Variants in DOCK10 observed in about 807,000 individuals in gnomAD.
The protein encoded by DOCK10 is dedicator of cytokinesis protein 10.
DOCK10 carries 145 observed loss-of-function variants against 280.1 expected under a neutral mutation model. The ratio of observed to expected loss-of-function variants is 0.52; its 90% confidence interval spans 0.45 to 0.59. DOCK10 has a LOEUF of 0.59. Ranked by LOEUF, DOCK10 falls within the 20% of genes least tolerant of loss-of-function variation. The pLI, the probability that DOCK10 is intolerant of heterozygous loss-of-function variation, is 0.00. For missense variants in DOCK10, 2,368 were observed against 2,651.7 expected (o/e 0.89, Z 2.35); for synonymous variants, 915 against 942.2 (o/e 0.97, Z 0.53).
At chr2:224,775,151 G>T in intron 51 of DOCK10, 36 bp from the exon 52 acceptor site, 2 of 1,588,728 alleles carry the variant, frequency 1.3e-6, no homozygotes, top group Non-Finnish European at 1.7e-6. Flanking sequence ...TGAGTGGTGT[G>T]CCCTGGAGCG....
At chr2:225,015,277 T>A (rs149209919) in intron 1 of DOCK10, among the ~76,000 whole-genome samples, 1 of 152,202 alleles carries the variant, frequency 6.6e-6, no homozygotes, top group African/African-American at 2.4e-5. Flanking sequence ...ATAAATTTCA[T>A]TACTCTTAGA....
chr2:225,000,805 G>A (rs189886266), intron 1 of DOCK10, among the ~76,000 whole-genome samples: 46 of 152,228 alleles, frequency 3.0e-4, no homozygotes, highest in Admixed American at 1.0e-3. Context: ...GTGAAACCTC[G>A]TCTGTACTAA....
At chr2:224,784,772 GA>G in intron 50 of DOCK10, 1 of 1,289,646 alleles carries the variant, frequency 7.8e-7, no homozygotes, top group Admixed American at 2.3e-5. Context: ...AAGAAGAAAA[GA>G]GTAAACATCT....
chr2:225,006,685 A>G (rs1689264966), intron 1 of DOCK10, among the ~76,000 whole-genome samples: 2 of 152,230 alleles, frequency 1.3e-5, no homozygotes, highest in Non-Finnish European at 2.9e-5. Context: ...TGATGGTTTC[A>G]ATCTATGTTT....
At chr2:224,837,736 A>G in intron 25 of DOCK10, 26 bp downstream of exon 25, 1 of 1,598,322 alleles carries the variant, frequency 6.3e-7, no homozygotes, top group Non-Finnish European at 8.6e-7. Flanking sequence ...AGGGGATATG[A>G]GCAATTTCCA....
intron 1 of DOCK10, among the ~76,000 whole-genome samples, chr2:225,023,429 A>G (rs893918940): frequency 3.4e-5 from 5 of 148,200 alleles, no homozygotes; most frequent in African/African-American, 1.3e-4. Flanking sequence ...TCAGATGGGG[A>G]AAAAAAGTGG....
chr2:225,041,840 A>T (rs772210211), intron 1 of DOCK10, among the ~76,000 whole-genome samples: 2 of 151,972 alleles, frequency 1.3e-5, no homozygotes, highest in Non-Finnish European at 1.5e-5. Flanking sequence ...GGTGAGAGGG[A>T]CGCGCAGACC....
chr2:224,768,853 TAAAG>T (rs893215801), intron 55 of DOCK10: 1 of 455,806 alleles, frequency 2.2e-6, no homozygotes, highest in African/African-American at 2.0e-5. Context: ...AGAGTAGACA[TAAAG>T]AAAGAAAAAC....
intron 26 of DOCK10, 142 bp downstream of exon 26, chr2:224,834,008 T>G (rs1695427136): frequency 1.7e-6 from 1 of 603,200 alleles, no homozygotes; most frequent in Non-Finnish European, 3.0e-6. Context: ...AGTATCTTTA[T>G]ATGCTAAGTT....
chr2:225,025,050 G>A (rs1689883789), intron 1 of DOCK10, among the ~76,000 whole-genome samples: 1 of 152,150 alleles, frequency 6.6e-6, no homozygotes, highest in African/African-American at 2.4e-5. Flanking sequence ...ATTCTTTAAG[G>A]AGTAAATAAA....
At chr2:224,815,310 C>CT (rs1694061564) in intron 30 of DOCK10, among the ~76,000 whole-genome samples, 1 of 152,128 alleles carries the variant, frequency 6.6e-6, no homozygotes, top group Admixed American at 6.5e-5. Context: ...AATTCAACCT[C>CT]TTTTTTTCAT....
intron 1 of DOCK10, among the ~76,000 whole-genome samples, chr2:225,012,140 T>A (rs1689457437): frequency 6.6e-6 from 1 of 152,128 alleles, no homozygotes; most frequent in Non-Finnish European, 1.5e-5. Context: ...GTGAAAATAT[T>A]TCCTCTGGCT....
chr2:224,872,974 T>C lies in DOCK10; in HGVS notation c.1257+1022A>G, dbSNP rs1308969289. ...ATAATTCAACATTTAATAACGTTTA[T>C]GCTCATAAAAAGTTCCCTTCCCACA... is the stretch of plus-strand genomic sequence containing the variant. On this transcript the variant is annotated intron_variant, in intron 11 of 55. Transcript: ENST00000258390. Among the ~76,000 whole-genome samples the C allele has an allele frequency of 2.6e-5, 4 of 152,212 alleles. No homozygotes were observed. In the East Asian group the frequency reaches 7.7e-4, roughly 29 times the overall value.
In DOCK10 at chr2:224,953,041, G is replaced by A. The variant is rs1703851896; in HGVS notation, c.124-21373C>T. 2.0e-5 allele frequency among the ~76,000 whole-genome samples: 3 copies of A among 148,372 alleles called. No individual in the cohort carries two copies. In the Admixed American group the frequency reaches 2.0e-4, roughly 10 times the overall value. ...CATTTGAATCCATTCCATTAAAATG[G>A]CCCCAAAAGTACCATTAGGAATTTA... On this transcript the variant is annotated intron_variant, in intron 1 of 55. Transcript: ENST00000258390.
intron 4 of DOCK10, among the ~76,000 whole-genome samples, chr2:224,890,857 T>G (rs931425775): frequency 6.6e-6 from 1 of 152,212 alleles, no homozygotes; most frequent in Non-Finnish European, 1.5e-5. Context: ...ACACGTGTAC[T>G]GTGGTCAAAA....
At chr2:224,801,303 A>AAAAAC (rs55750850) in intron 40 of DOCK10, among the ~76,000 whole-genome samples, 19 of 146,026 alleles carry the variant, frequency 1.3e-4, no homozygotes, top group African/African-American at 4.2e-4. Flanking sequence ...AAAAAAAAAA[A>AAAAAC]CATATTTGGG....
chr2:224,946,729 T>G (rs1014832691), intron 1 of DOCK10: 4 of 648,150 alleles, frequency 6.2e-6, no homozygotes, highest in Non-Finnish European at 9.7e-6. Context: ...GAATCTTCTG[T>G]TCCATATAAG....
At chr2:224,940,375 A>G (rs989662111) in intron 1 of DOCK10, among the ~76,000 whole-genome samples, 1 of 152,224 alleles carries the variant, frequency 6.6e-6, no homozygotes, top group Non-Finnish European at 1.5e-5. Context: ...CTAATGAGAT[A>G]TAATACAAGG....
At chr2:224,982,440 C>T (rs1411951968) in intron 1 of DOCK10, 18 of 1,229,926 alleles carry the variant, frequency 1.5e-5, no homozygotes, top group Non-Finnish European at 1.6e-5. Context: ...CTCCTTGTCC[C>T]TGAAAACAGC....
Sources: gnomAD v4.1 joint callset for allele counts (sites outside exome capture counted in the v4.1 genomes callset) on GRCh38, gnomAD v4.1.1 for gene constraint, MANE v1.5 for transcripts, NCBI Gene and HGNC (gene_info 2026-07-23, HGNC 2026-07-21) for gene names.